The following CAST variants were observed in gnomAD, a reference collection of about 807,000 sequenced individuals.
CAST encodes the protein calpastatin.
In CAST, 76 loss-of-function variants were observed where a neutral mutation model predicts 119.6. The ratio of observed to expected loss-of-function variants is 0.64; its 90% CI spans 0.53 to 0.77. The LOEUF (loss-of-function observed/expected upper bound fraction) is 0.77, where lower values mean the gene tolerates loss of function less well. CAST is among the 30% of genes least tolerant of loss of function. CAST has a pLI of 0.00. For missense variants in CAST, 953 were observed against 946.5 expected, an observed-to-expected ratio of 1.01 and a Z score of -0.09; for synonymous variants, 319 against 331.6, an observed-to-expected ratio of 0.96 and a Z score of 0.41.
chr5:95,982,913 C>A, the CAST span, among the ~76,000 whole-genome samples: 1 of 151,998 alleles, frequency 6.6e-6, no homozygotes, highest in Non-Finnish European at 1.5e-5. Flanking sequence ...TTATAATGAT[C>A]AAAAAGCGTG....
chr5:96,727,462 T>G (rs1759475667), intron 5 of CAST, 27 bp from the exon 6 acceptor site: 2 of 1,368,482 alleles, frequency 1.5e-6, no homozygotes, highest in South Asian at 2.7e-5. Context: ...TTCCTTCCTT[T>G]TTTTCTTTCT....
chr5:96,259,067 A>T, the CAST span, among the ~76,000 whole-genome samples: 1 of 152,210 alleles, frequency 6.6e-6, no homozygotes, highest in African/African-American at 2.4e-5. Context: ...TGTATGAGTA[A>T]AAACAGAGGA....
At chr5:96,614,968 A>G (rs897362836) in intron 1 of CAST, among the ~76,000 whole-genome samples, 5 of 152,226 alleles carry the variant, frequency 3.3e-5, no homozygotes, top group Admixed American at 6.5e-5. Flanking sequence ...AGCCTAGTAT[A>G]GGCAGCCCCC....
the CAST span, among the ~76,000 whole-genome samples, chr5:96,074,781 G>T: frequency 6.6e-6 from 1 of 152,214 alleles, no homozygotes; most frequent in East Asian, 1.9e-4. Flanking sequence ...GACAGGAAAA[G>T]TTTGGTGAAT....
chr5:96,580,638 T>C (rs990867093), intron 1 of CAST, among the ~76,000 whole-genome samples: 3 of 152,206 alleles, frequency 2.0e-5, no homozygotes, highest in Non-Finnish European at 4.4e-5. Context: ...GTTATGTTGG[T>C]CAATGGATTA....
intron 10 of CAST, among the ~76,000 whole-genome samples, chr5:96,737,601 C>G (rs1761926400): frequency 6.6e-6 from 1 of 152,082 alleles, no homozygotes; most frequent in Admixed American, 6.5e-5. Flanking sequence ...GTATGTAATG[C>G]CTGTAGACTT....
chr5:96,045,052 T>A, the CAST span, among the ~76,000 whole-genome samples: 2 of 152,140 alleles, frequency 1.3e-5, no homozygotes, highest in African/African-American at 2.4e-5. Flanking sequence ...GTTTGTTTTT[T>A]GTGAAAATTC....
chr5:96,361,278 G>T, the CAST span, among the ~76,000 whole-genome samples: 2 of 152,258 alleles, frequency 1.3e-5, no homozygotes, highest in Admixed American at 1.3e-4. Flanking sequence ...CTGCGGGGGT[G>T]GGGTCCGCTG....
the CAST span, among the ~76,000 whole-genome samples, chr5:96,092,095 C>T: frequency 2.0e-5 from 3 of 152,184 alleles, no homozygotes; most frequent in Admixed American, 2.0e-4. Context: ...TTTTGTGACA[C>T]ACTTACCATT....
At chr5:96,654,343 C>A (rs539529540) in intron 1 of CAST, among the ~76,000 whole-genome samples, 1 of 152,008 alleles carries the variant, frequency 6.6e-6, no homozygotes, top group East Asian at 1.9e-4. Context: ...TTTTTCAATT[C>A]TTTTTCTTAC....
the CAST span, among the ~76,000 whole-genome samples, chr5:96,416,419 G>C: frequency 5.3e-5 from 8 of 152,232 alleles, no homozygotes; most frequent in Non-Finnish European, 1.0e-4. Context: ...AAAACACTTA[G>C]AGCAGTGGAT....
chr5:96,123,662 C>T, the CAST span, among the ~76,000 whole-genome samples: 1 of 152,230 alleles, frequency 6.6e-6, no homozygotes, highest in South Asian at 2.1e-4. Context: ...TTACTGGGTA[C>T]AACTGAAGGT....
At chr5:96,391,179 A>G in the CAST span, 2 of 152,250 alleles carry the variant, frequency 1.3e-5, no homozygotes, top group Admixed American at 1.3e-4. Flanking sequence ...TTAGGAGAAC[A>G]TTCTCTAAGC....
At chr5:96,604,230 G>C (rs1213837428) in intron 1 of CAST, among the ~76,000 whole-genome samples, 1 of 152,126 alleles carries the variant, frequency 6.6e-6, no homozygotes, top group African/African-American at 2.4e-5. Flanking sequence ...GCAGTCCTTG[G>C]TTGACCAAAA....
At chr5:96,432,847 A>C in the CAST span, 1 of 1,611,322 alleles carries the variant, frequency 6.2e-7, no homozygotes, top group South Asian at 1.1e-5. Flanking sequence ...AGTTTCTTGA[A>C]AGTGGAAACT....
intron 9 of CAST, among the ~76,000 whole-genome samples, chr5:96,731,876 C>T (rs1461760819): frequency 3.3e-5 from 5 of 152,084 alleles, no homozygotes; most frequent in Admixed American, 3.3e-4. Flanking sequence ...TGTATATGTG[C>T]CACATTTTCT....
chr5:96,314,713 AC>A, the CAST span, among the ~76,000 whole-genome samples: 3 of 151,916 alleles, frequency 2.0e-5, no homozygotes, highest in African/African-American at 7.3e-5. Context: ...TACCTGCTGA[AC>A]CCTTTTCTTG....
chr5:96,025,598 T>C, the CAST span, among the ~76,000 whole-genome samples: 1 of 152,152 alleles, frequency 6.6e-6, no homozygotes, highest in African/African-American at 2.4e-5. Context: ...CTCTCAGACA[T>C]GGTCATGTCA....
At chr5:96,455,924 A>G in the CAST span, among the ~76,000 whole-genome samples, 2 of 152,334 alleles carry the variant, frequency 1.3e-5, no homozygotes, top group East Asian at 3.9e-4. Context: ...AGAGATGATC[A>G]TATCTCCAGC....
Sources: gnomAD v4.1 joint callset for allele counts (sites outside exome capture counted in the v4.1 genomes callset) on GRCh38, gnomAD v4.1.1 for gene constraint, MANE v1.5 for transcripts, NCBI Gene and HGNC (gene_info 2026-07-23, HGNC 2026-07-21) for gene names.